The following ATRNL1 variants were observed in gnomAD, a reference collection of about 807,000 sequenced individuals.
ATRNL1 encodes the protein attractin like 1, also known as attractin-like protein 1.
A neutral mutation model predicts 182.7 loss-of-function variants in ATRNL1; 95 were observed. The ratio of observed to expected loss-of-function variants is 0.52; its 90% CI spans 0.44 to 0.62. The LOEUF is 0.62. Among genes scored for constraint, ATRNL1 ranks in the 20% least tolerant of loss-of-function variants. ATRNL1 has a pLI of 0.00. For synonymous variants in ATRNL1, 576 were observed against 568.3 expected (o/e 1.01, Z -0.19); for missense variants, 1,471 against 1,679.5 (o/e 0.88, Z 2.17).
chr10:115,847,849 C>CA, intron 27 of ATRNL1, 28 bp from the exon 28 acceptor site: 1 of 1,369,424 alleles, frequency 7.3e-7, no homozygotes, highest in Non-Finnish European at 1.0e-6. Context: ...GTCAATTTTG[C>CA]AAACTTAAAG....
chr10:115,346,889 A>G (rs1243274895), intron 19 of ATRNL1, among the ~76,000 whole-genome samples: 4 of 151,928 alleles, frequency 2.6e-5, no homozygotes, highest in African/African-American at 7.2e-5. Flanking sequence ...TAGTTTATCT[A>G]TTTTTTTATT....
At chr10:115,659,921 G>A (rs1297881329) in intron 26 of ATRNL1, among the ~76,000 whole-genome samples, 1 of 152,156 alleles carries the variant, frequency 6.6e-6, no homozygotes, top group Non-Finnish European at 1.5e-5. Context: ...TCAAGAGATC[G>A]TTCTGGAGAA....
intron 26 of ATRNL1, among the ~76,000 whole-genome samples, chr10:115,668,436 T>G (rs2133921858): frequency 6.6e-6 from 1 of 152,322 alleles, no homozygotes; most frequent in Non-Finnish European, 1.5e-5. Context: ...CATTTAAAAT[T>G]TTCCTTTACC....
chr10:115,190,504 T>C (rs1848128144), intron 8 of ATRNL1, among the ~76,000 whole-genome samples: 1 of 152,100 alleles, frequency 6.6e-6, no homozygotes. Flanking sequence ...TTTATATATT[T>C]TAAACATTTT....
At chr10:115,366,714 G>A (rs1263616859) in intron 19 of ATRNL1, among the ~76,000 whole-genome samples, 2 of 151,648 alleles carry the variant, frequency 1.3e-5, no homozygotes, top group Non-Finnish European at 2.9e-5. Context: ...GGCAGGCCTG[G>A]TGGTGACAAA....
At chr10:115,756,322 C>G (rs1948590310) in intron 27 of ATRNL1, among the ~76,000 whole-genome samples, 1 of 152,140 alleles carries the variant, frequency 6.6e-6, no homozygotes, top group Non-Finnish European at 1.5e-5. Flanking sequence ...TTTCCCTCTC[C>G]ACACTGCTTT....
chr10:115,853,094 G>A lies in ATRNL1; in HGVS notation c.4018+5103G>A, dbSNP rs374859582. 1.1e-4 allele frequency among the ~76,000 whole-genome samples: 16 copies of A among 152,058 alleles called. No individual in the cohort carries two copies. In the East Asian group the frequency reaches 2.1e-3, roughly 20 times the overall value. On this transcript the variant is annotated intron_variant, in intron 28 of 28. Transcript: ENST00000355044. ...GGGTCGGGTTAGATTCCTAGGATGC[G>A]TTTCACTCTAACCCCACTGCACAGT...
At chr10:115,733,772 A>T (rs1463618665) in intron 27 of ATRNL1, among the ~76,000 whole-genome samples, 1 of 152,104 alleles carries the variant, frequency 6.6e-6, no homozygotes, top group East Asian at 1.9e-4. Context: ...GTGATATTTG[A>T]TATTTTTAAT....
rs1303397797 is a variant in ATRNL1, at chr10:115,799,105, G to A, written c.3904-48772G>A. 7.2e-5 allele frequency among the ~76,000 whole-genome samples: 11 copies of A among 152,230 alleles called. No individual in the cohort carries two copies. In the South Asian group the frequency reaches 1.2e-3, roughly 17 times the overall value. On this transcript the variant is annotated intron_variant, in intron 27 of 28. Coordinates refer to ENST00000355044, the MANE Select transcript of ATRNL1 (RefSeq NM_207303.4). ...CTTCCAAAGTACTGGGATTACAGGC[G>A]TGAGACACCAGTAATAAGCTTTCTT...
At chr10:115,884,756 A>C (rs190073642) in intron 28 of ATRNL1, among the ~76,000 whole-genome samples, 1 of 152,230 alleles carries the variant, frequency 6.6e-6, no homozygotes, top group Admixed American at 6.5e-5. Context: ...AGGTCTTCCA[A>C]ATATCCCAGG....
At chr10:115,732,160 A>G (rs1172416185) in intron 27 of ATRNL1, among the ~76,000 whole-genome samples, 1 of 152,260 alleles carries the variant, frequency 6.6e-6, no homozygotes, top group African/African-American at 2.4e-5. Context: ...ACATGTTTAC[A>G]TTTTTTTGGG....
chr10:115,868,147 A>T (rs1320003555), intron 28 of ATRNL1, among the ~76,000 whole-genome samples: 1 of 152,162 alleles, frequency 6.6e-6, no homozygotes, highest in Non-Finnish European at 1.5e-5. Flanking sequence ...TGGAAGGTCA[A>T]ATGTATATAT....
chr10:115,790,464 C>T (rs373693901), intron 27 of ATRNL1, among the ~76,000 whole-genome samples: 30 of 152,120 alleles, frequency 2.0e-4, no homozygotes, highest in Admixed American at 8.5e-4. Context: ...CTTTCTGTTA[C>T]GATTGAATTT....
chr10:115,415,680 A>G (rs1565018410), intron 20 of ATRNL1, among the ~76,000 whole-genome samples: 1 of 151,904 alleles, frequency 6.6e-6, no homozygotes, highest in Non-Finnish European at 1.5e-5. Flanking sequence ...TTTTTTTACT[A>G]TATCGAAAAT....
At chr10:115,534,670 G>A (rs1205668392) in intron 25 of ATRNL1, among the ~76,000 whole-genome samples, 1 of 152,016 alleles carries the variant, frequency 6.6e-6, no homozygotes, top group Non-Finnish European at 1.5e-5. Context: ...TGGTTATTTT[G>A]CTGGTTAGTT....
At chr10:115,869,964 CTTTTTTTTTTTT>C (rs150345069) in intron 28 of ATRNL1, among the ~76,000 whole-genome samples, 81 of 71,724 alleles carry the variant, frequency 1.1e-3, no homozygotes, top group African/African-American at 5.1e-3. Context: ...GTTCCCAGAC[CTTTTTTTTTTTT>C]TTTTTTTTTT....
intron 28 of ATRNL1, among the ~76,000 whole-genome samples, chr10:115,872,497 CA>C (rs1460944685): frequency 2.0e-5 from 3 of 151,854 alleles, no homozygotes; most frequent in Non-Finnish European, 4.4e-5. Context: ...TTCAAACGGA[CA>C]AAAAAAGTGA....
intron 26 of ATRNL1, among the ~76,000 whole-genome samples, chr10:115,694,731 G>A (rs1469149050): frequency 1.3e-5 from 2 of 151,992 alleles, no homozygotes; most frequent in African/African-American, 4.8e-5. Context: ...TAAAAATGAA[G>A]CTTCATTTGG....
intron 26 of ATRNL1, among the ~76,000 whole-genome samples, chr10:115,561,015 C>A (rs939750788): frequency 1.3e-5 from 2 of 151,942 alleles, no homozygotes; most frequent in Non-Finnish European, 2.9e-5. Context: ...CAATAGGAAT[C>A]GATACACCAA....
Sources: allele counts gnomAD v4.1 joint callset (sites outside exome capture counted in the v4.1 genomes callset), GRCh38; gene constraint gnomAD v4.1.1; transcripts MANE v1.5; gene names NCBI Gene and HGNC (gene_info 2026-07-23, HGNC 2026-07-21).